ABCA4: variants seen among roughly 807,000 people sequenced by gnomAD.
ABCA4 encodes retinal-specific phospholipid-transporting ATPase ABCA4.
ABCA4 carries 196 observed loss-of-function variants against 263.7 expected under a neutral mutation model. The observed-to-expected ratio is 0.74, with a 90% CI of 0.66 to 0.84. ABCA4 has a LOEUF of 0.84. ABCA4 is among the 40% of genes least tolerant of loss of function. The pLI is 0.00. For missense variants in ABCA4, 2,792 were observed against 2,855.1 expected (o/e 0.98, Z 0.50); for synonymous variants, 1,133 against 1,094.2 (o/e 1.04, Z -0.70).
chr1:94,063,835 A>G (rs1416976247), intron 11 of ABCA4, among the ~76,000 whole-genome samples: 2 of 152,312 alleles, frequency 1.3e-5, no homozygotes, highest in East Asian at 3.9e-4. Flanking sequence ...GACAGCCAAA[A>G]TAACTTAGTC....
At chr1:94,118,324 G>A (rs1207660106) in intron 1 of ABCA4, among the ~76,000 whole-genome samples, 1 of 152,174 alleles carries the variant, frequency 6.6e-6, no homozygotes, top group Non-Finnish European at 1.5e-5. Context: ...TTCATCTTAT[G>A]CCCTTAGGGA....
chr1:94,067,559 G>C (rs1308726385), intron 11 of ABCA4, among the ~76,000 whole-genome samples: 2 of 152,212 alleles, frequency 1.3e-5, no homozygotes, highest in Non-Finnish European at 2.9e-5. Flanking sequence ...TCCTTGCCTT[G>C]CAAATTGGTG....
chr1:94,047,586 G>A (rs4147837), intron 18 of ABCA4, among the ~76,000 whole-genome samples: 24,053 of 152,098 alleles, frequency 0.16, 1,989 homozygotes, highest in East Asian at 0.23. Context: ...TTCTGGAAGC[G>A]GCTTAGGTTC....
chr1:94,108,578 T>C lies in ABCA4; in HGVS notation c.441A>G (p.Ala147=). ...TGAGAGCACTGCAGTCATGCTTACC[T>C]GCAATTCTCTCCGGGTGAGTCCGGA... The part of the protein sequence containing the change: ...DTLRTHPERI[A]GRGIRIRDIL... The change falls in exon 4 of 50, where the codon GCA becomes GCG. Residue 147 remains alanine (A), a splice_region_variant and synonymous_variant. Transcript: ENST00000370225. 1.2e-6 allele frequency: 2 copies of C among 1,613,430 alleles called. No homozygotes were observed. The highest frequency in any genetic ancestry group is 1.7e-6 in the Non-Finnish European group (2 of 1,179,892).
At chr1:94,051,576 G>T in intron 17 of ABCA4, 57 bp downstream of exon 17, 2 of 1,451,310 alleles carry the variant, frequency 1.4e-6, no homozygotes, top group South Asian at 1.1e-5. Context: ...TATACATCTT[G>T]CACAGAGCCC....
chr1:94,051,740 T>C (rs984795767), intron 16 of ABCA4, 42 bp from the exon 17 acceptor site: 3 of 1,465,434 alleles, frequency 2.0e-6, no homozygotes, highest in Admixed American at 1.7e-5. Flanking sequence ...CGAAGGAGTC[T>C]CCCTATCCTA....
intron 26 of ABCA4, among the ~76,000 whole-genome samples, chr1:94,036,140 G>A (rs1171644719): frequency 6.6e-6 from 1 of 151,994 alleles, no homozygotes; most frequent in Non-Finnish European, 1.5e-5. Flanking sequence ...AGGAGATGAG[G>A]ATGATGACAT....
At chr1:94,117,658 A>ATGAACTCCT (rs1662828920) in intron 1 of ABCA4, among the ~76,000 whole-genome samples, 1 of 152,098 alleles carries the variant, frequency 6.6e-6, no homozygotes, top group Admixed American at 6.5e-5. Context: ...CGTTATCAGG[A>ATGAACTCCT]TGAACTCCTT....
rs545599494 is a variant in ABCA4, at chr1:93,995,905, T to A, written c.6816+204A>T. On this transcript the variant is annotated intron_variant, in intron 49 of 49. Coordinates refer to ENST00000370225, the MANE Select transcript of ABCA4 (RefSeq NM_000350.3). ...ACCCCTACAACTACTGAATGAAAAG[T>A]TCTTCAGCACAGAACACACAGTGGC... Among the ~76,000 whole-genome samples the A allele has an allele frequency of 1.5e-3, 228 of 152,324 alleles. 1 individual carries two copies. The highest frequency in any genetic ancestry group is 2.8e-3 in the Non-Finnish European group (188 of 68,034).
At chr1:94,025,250 A>T (rs567504222) in intron 30 of ABCA4, among the ~76,000 whole-genome samples, 1 of 152,278 alleles carries the variant, frequency 6.6e-6, no homozygotes, top group Non-Finnish European at 1.5e-5. Context: ...CAATCCATTG[A>T]CAAGACAGAA....
chr1:94,011,018 T>A, intron 39 of ABCA4, 89 bp from the exon 40 acceptor site: 1 of 1,608,472 alleles, frequency 6.2e-7, no homozygotes, highest in Non-Finnish European at 8.5e-7. Context: ...AGACCAGGCC[T>A]TATGTGGGAA....
chr1:94,041,126 G>C, intron 23 of ABCA4, 83 bp downstream of exon 23: 1 of 1,412,876 alleles, frequency 7.1e-7, no homozygotes, highest in South Asian at 1.2e-5. Flanking sequence ...GAGCCTGTGT[G>C]AGTAGCCATG....
At chr1:94,024,807 G>T (rs1305374198) in intron 31 of ABCA4, 147 bp downstream of exon 31, 1 of 664,120 alleles carries the variant, frequency 1.5e-6, no homozygotes, top group Non-Finnish European at 2.6e-6. Flanking sequence ...TGCTTTTTAT[G>T]TTGAATGGGG....
At position 94,066,794 on chromosome 1, in the gene ABCA4, A is replaced by C. The variant is rs114012038; in HGVS notation, c.1555-3477T>G. ...CCTGAACAAGAAGATCTTCTGCTCC[A>C]GAGCAGCATTGTTCAGTAGAACTTT... On this transcript the variant is annotated intron_variant, in intron 11 of 49. Transcript: ENST00000370225. Among the ~76,000 whole-genome samples the C allele has an allele frequency of 9.9e-3, 1,502 of 152,364 alleles. 21 individuals carry two copies. Among genetic ancestry groups the C allele is most frequent in the African/African-American group, 0.035 (1,442 of 41,580 alleles).
chr1:94,087,347 G>A (rs1449905697), intron 6 of ABCA4, among the ~76,000 whole-genome samples: 2 of 152,154 alleles, frequency 1.3e-5, no homozygotes, highest in African/African-American at 4.8e-5. Flanking sequence ...TGAGTGACTA[G>A]GCTTCGTCAC....
chr1:93,997,851 G>A lies in ABCA4; in HGVS notation c.6729+10C>T. Reference sequence around the variant, plus strand: ...TTTGCTCAGCTCTCGGTGCCCCAGGGCCAACTTGCCTGGTCCAGTGTGGTC... The same window carrying A: ...TTTGCTCAGCTCTCGGTGCCCCAGGACCAACTTGCCTGGTCCAGTGTGGTC... On this transcript the variant is annotated intron_variant, in intron 48 of 49. Coordinates refer to ENST00000370225, the MANE Select transcript of ABCA4 (RefSeq NM_000350.3). 5 of 1,613,830 alleles carry A rather than the reference G, an allele frequency of 3.1e-6. No homozygotes were observed. The highest frequency in any genetic ancestry group is 4.2e-6 in the Non-Finnish European group (5 of 1,179,950).
intron 4 of ABCA4, among the ~76,000 whole-genome samples, chr1:94,105,311 A>C (rs556739328): frequency 4.6e-5 from 7 of 152,330 alleles, no homozygotes; most frequent in South Asian, 2.1e-4. Context: ...CTGACCTTAC[A>C]TACAAATATC....
chr1:94,049,754 C>G (rs1660783121), intron 17 of ABCA4, among the ~76,000 whole-genome samples: 1 of 152,030 alleles, frequency 6.6e-6, no homozygotes, highest in South Asian at 2.1e-4. Context: ...GAATTAACAC[C>G]AGGGTTGAGC....
At chr1:94,009,304 A>C (rs1036279404) in intron 40 of ABCA4, among the ~76,000 whole-genome samples, 1 of 152,178 alleles carries the variant, frequency 6.6e-6, no homozygotes, top group African/African-American at 2.4e-5. Context: ...AGGGGTAGTT[A>C]CTAACCTCCG....
Sources: gnomAD v4.1 joint callset for allele counts (sites outside exome capture counted in the v4.1 genomes callset) on GRCh38, gnomAD v4.1.1 for gene constraint, MANE v1.5 for transcripts, NCBI Gene and HGNC (gene_info 2026-07-23, HGNC 2026-07-21) for gene names.